Variants in ESR1 observed in about 807,000 individuals in gnomAD.
The protein encoded by ESR1 is estrogen receptor.
ESR1 carries 12 observed loss-of-function variants against 52.7 expected under a neutral mutation model. The ratio of observed to expected loss-of-function variants is 0.23; its 90% CI spans 0.15 to 0.37. ESR1 has a LOEUF of 0.37. ESR1 is among the 10% of genes least tolerant of loss of function. The pLI is 1.00. For synonymous variants in ESR1, 305 were observed against 316.8 expected (o/e 0.96, Z 0.39); for missense variants, 584 against 779.7 (o/e 0.75, Z 2.99).
chr6:151,870,722 A>C (rs1226889930), intron 2 of ESR1, among the ~76,000 whole-genome samples: 3 of 152,224 alleles, frequency 2.0e-5, no homozygotes, highest in Non-Finnish European at 4.4e-5. Context: ...CATGGGAAGC[A>C]TGTGGGTTCT....
intron 1 of ESR1, among the ~76,000 whole-genome samples, chr6:151,671,407 G>A (rs1167970005): frequency 1.3e-5 from 2 of 152,152 alleles, no homozygotes; most frequent in African/African-American, 2.4e-5. Flanking sequence ...GGAGGACATC[G>A]TGCTAAGTGA....
chr6:151,754,652 A>G (rs1054178283), intron 2 of ESR1, among the ~76,000 whole-genome samples: 1 of 152,134 alleles, frequency 6.6e-6, no homozygotes, highest in Admixed American at 6.6e-5. Flanking sequence ...GGCTTCCAAC[A>G]TACTTTGCCC....
intron 6 of ESR1, among the ~76,000 whole-genome samples, chr6:152,114,402 C>A (rs1334506261): frequency 6.6e-6 from 1 of 152,014 alleles, no homozygotes; most frequent in East Asian, 1.9e-4. Context: ...TAGGAAAGCT[C>A]ATCTCCTAGG....
chr6:151,999,328 C>T (rs1404895817), intron 4 of ESR1, among the ~76,000 whole-genome samples: 1 of 151,964 alleles, frequency 6.6e-6, no homozygotes, highest in Admixed American at 6.6e-5. Context: ...CACAGAGTTT[C>T]TTTAGTTAGT....
chr6:151,934,025 C>G (rs1192711202), intron 3 of ESR1, among the ~76,000 whole-genome samples: 1 of 152,218 alleles, frequency 6.6e-6, no homozygotes, highest in Non-Finnish European at 1.5e-5. Flanking sequence ...GGCTTCTCAT[C>G]TCTTTCAGAG....
At chr6:152,083,033 A>G (rs2049365351) in intron 6 of ESR1, among the ~76,000 whole-genome samples, 1 of 152,222 alleles carries the variant, frequency 6.6e-6, no homozygotes, top group African/African-American at 2.4e-5. Context: ...AAATGGTCAT[A>G]CTGCCCAAGG....
At chr6:151,907,635 ATAATT>A (rs1421677879) in intron 3 of ESR1, among the ~76,000 whole-genome samples, 1 of 152,116 alleles carries the variant, frequency 6.6e-6, no homozygotes, top group Non-Finnish European at 1.5e-5. Context: ...TGGACATACT[ATAATT>A]TATTTAATTA....
At chr6:151,670,946 T>G (rs988783270) in intron 1 of ESR1, among the ~76,000 whole-genome samples, 2 of 151,898 alleles carry the variant, frequency 1.3e-5, no homozygotes, top group African/African-American at 4.8e-5. Flanking sequence ...TTTTGTATTC[T>G]TAGTAGAGAT....
intron 5 of ESR1, among the ~76,000 whole-genome samples, chr6:152,037,138 G>A (rs909454360): frequency 2.6e-5 from 4 of 152,008 alleles, no homozygotes; most frequent in African/African-American, 9.7e-5. Context: ...CAATAGCATC[G>A]GCTTAGTTTA....
chr6:152,120,186 C>T (rs1257612942), intron 6 of ESR1, among the ~76,000 whole-genome samples: 3 of 152,180 alleles, frequency 2.0e-5, no homozygotes, highest in Admixed American at 6.5e-5. Context: ...GCCTTTTCCA[C>T]GATGACACTC....
intron 4 of ESR1, among the ~76,000 whole-genome samples, chr6:151,951,112 T>G (rs1455123581): frequency 1.3e-5 from 2 of 152,152 alleles, no homozygotes; most frequent in African/African-American, 4.8e-5. Flanking sequence ...TGCATCTACC[T>G]CATAAATACC....
chr6:152,125,689 T>G (rs2053157771), exon 7 of ESR1: 1 of 195,504 alleles, frequency 5.1e-6, no homozygotes, highest in Non-Finnish European at 1.0e-5. Flanking sequence ...AATACCTGAC[T>G]AATTTTCATT....
chr6:151,915,859 C>T (rs1216446505), intron 3 of ESR1, among the ~76,000 whole-genome samples: 2 of 151,990 alleles, frequency 1.3e-5, no homozygotes, highest in Non-Finnish European at 2.9e-5. Context: ...CTCTCTCTCT[C>T]TCTCTCTCTC....
intron 4 of ESR1, among the ~76,000 whole-genome samples, chr6:152,004,162 C>G (rs1253811633): frequency 1.3e-5 from 2 of 151,868 alleles, no homozygotes; most frequent in Non-Finnish European, 2.9e-5. Context: ...TAGAATGTAA[C>G]TACAATATGG....
intron 5 of ESR1, among the ~76,000 whole-genome samples, chr6:152,029,980 C>T (rs534626034): frequency 1.1e-4 from 17 of 152,190 alleles, no homozygotes; most frequent in South Asian, 8.3e-4. Context: ...GAGTGGGGGC[C>T]GATATTACAC....
At position 151,808,177 on chromosome 6, in the gene ESR1, T is replaced by TTCGGCTCCA; in HGVS notation, c.266_274dup (p.Ser91_Asn92insIleGlySer). 1 of 1,583,898 alleles carries TTCGGCTCCA rather than the reference T, an allele frequency of 6.3e-7. No individual in the cohort carries two copies. Among genetic ancestry groups the TTCGGCTCCA allele is most frequent in the Admixed American group, 1.8e-5 (1 of 55,910 alleles). The stretch of plus-strand genomic sequence containing the variant: ...CGGCCCCGGGTCTGAGGCTGCGGCG[T>TTCGGCTCCA]TCGGCTCCAACGGCCTGGGGGGTTT... On this transcript the variant is annotated inframe_insertion, in exon 1 of 8. Coordinates refer to ENST00000206249, the MANE Select transcript of ESR1 (RefSeq NM_000125.4).
chr6:151,957,966 C>T (rs1584471792), intron 4 of ESR1, among the ~76,000 whole-genome samples: 2 of 152,306 alleles, frequency 1.3e-5, no homozygotes, highest in East Asian at 3.9e-4. Flanking sequence ...TCAAGGTCGA[C>T]TCCTGGCCTA....
intron 5 of ESR1, among the ~76,000 whole-genome samples, chr6:152,029,677 A>G (rs1371276952): frequency 6.6e-6 from 1 of 152,216 alleles, no homozygotes; most frequent in Admixed American, 6.5e-5. Flanking sequence ...GGTGTACCTG[A>G]AAGTGATGGG....
chr6:151,869,783 T>C (rs1197722675), intron 2 of ESR1, among the ~76,000 whole-genome samples: 1 of 152,240 alleles, frequency 6.6e-6, no homozygotes, highest in Non-Finnish European at 1.5e-5. Flanking sequence ...GAAAATTTAC[T>C]TAGATGCAAA....
Sources: allele counts gnomAD v4.1 joint callset (sites outside exome capture counted in the v4.1 genomes callset), GRCh38; gene constraint gnomAD v4.1.1; transcripts MANE v1.5; gene names NCBI Gene and HGNC (gene_info 2026-07-23, HGNC 2026-07-21).